Variants in EDIL3 observed in about 807,000 individuals in gnomAD.
EDIL3 encodes EGF-like repeat and discoidin I-like domain-containing protein 3.
Under a neutral mutation model 67.4 loss-of-function variants are expected in EDIL3, and 37 were observed. The observed-to-expected ratio is 0.55, with a 90% confidence interval of 0.42 to 0.72. The LOEUF (loss-of-function observed/expected upper bound fraction) is 0.72, where lower values mean the gene tolerates loss of function less well. Ranked by LOEUF, EDIL3 falls within the 30% of genes least tolerant of loss-of-function variation. The probability of loss-of-function intolerance (pLI) is 0.00; values close to 1 mark genes in which losing one functional copy is unlikely to be tolerated. For missense variants in EDIL3, 527 were observed against 586.3 expected, an observed-to-expected ratio of 0.90 and a Z score of 1.04; for synonymous variants, 195 against 196.3, an observed-to-expected ratio of 0.99 and a Z score of 0.05.
chr5:83,978,734 C>T (rs939620465), intron 9 of EDIL3, among the ~76,000 whole-genome samples: 9 of 151,970 alleles, frequency 5.9e-5, no homozygotes, highest in Non-Finnish European at 1.3e-4. Flanking sequence ...AACAACCCAA[C>T]GGAAGTTGGA....
At chr5:84,105,862 G>T (rs572992241) in intron 6 of EDIL3, among the ~76,000 whole-genome samples, 27 of 152,140 alleles carry the variant, frequency 1.8e-4, no homozygotes, top group Admixed American at 3.9e-4. Context: ...TGCCCCAGGT[G>T]AGTTTCTCAA....
At chr5:84,132,425 T>A (rs1239173907) in intron 5 of EDIL3, among the ~76,000 whole-genome samples, 9 of 113,430 alleles carry the variant, frequency 7.9e-5, no homozygotes, top group African/African-American at 3.0e-4. Context: ...TATTATATAT[T>A]TTATATATAA....
chr5:83,998,952 T>C (rs145310377), intron 9 of EDIL3, among the ~76,000 whole-genome samples: 1,772 of 152,212 alleles, frequency 0.012, 18 homozygotes, highest in Non-Finnish European at 0.017. Context: ...ACTCCATTTG[T>C]TTGGGAGACA....
chr5:84,213,818 G>C (rs1744175602), intron 3 of EDIL3, among the ~76,000 whole-genome samples: 1 of 152,076 alleles, frequency 6.6e-6, no homozygotes, highest in Non-Finnish European at 1.5e-5. Flanking sequence ...AAAAAATTCT[G>C]TCCACGTAAT....
chr5:84,062,013 T>C (rs540735616), intron 8 of EDIL3, among the ~76,000 whole-genome samples: 58 of 152,142 alleles, frequency 3.8e-4, no homozygotes, highest in African/African-American at 1.3e-3. Context: ...CATATTTCCC[T>C]TCACCTCCAC....
At chr5:84,363,378 A>C (rs1033547053) in intron 1 of EDIL3, among the ~76,000 whole-genome samples, 1 of 151,632 alleles carries the variant, frequency 6.6e-6, no homozygotes, top group African/African-American at 2.4e-5. Context: ...TGAACTCGGG[A>C]AGTGGAGGTT....
chr5:83,978,014 C>T (rs1744903876), intron 9 of EDIL3, among the ~76,000 whole-genome samples: 1 of 151,704 alleles, frequency 6.6e-6, no homozygotes, highest in South Asian at 2.1e-4. Flanking sequence ...ATACTGAAGA[C>T]TTTATATAAA....
At chr5:84,189,732 C>T (rs906266542) in intron 3 of EDIL3, among the ~76,000 whole-genome samples, 3 of 151,994 alleles carry the variant, frequency 2.0e-5, no homozygotes, top group African/African-American at 4.8e-5. Flanking sequence ...TATATCAATA[C>T]TCTGTAGTTA....
chr5:84,140,961 A>C (rs980359809), intron 4 of EDIL3, among the ~76,000 whole-genome samples: 4 of 152,130 alleles, frequency 2.6e-5, no homozygotes, highest in Admixed American at 6.6e-5. Flanking sequence ...ATCTAAATGG[A>C]AACTGACCTC....
intron 1 of EDIL3, among the ~76,000 whole-genome samples, chr5:84,315,631 T>C (rs1426353162): frequency 6.6e-6 from 1 of 152,172 alleles, no homozygotes; most frequent in Non-Finnish European, 1.5e-5. Flanking sequence ...GGATCATTTC[T>C]ATGGTTCATT....
chr5:84,371,349 GTGTATATATATGTGTGTATATATGTA>G (rs1561271566), intron 1 of EDIL3, among the ~76,000 whole-genome samples: 1 of 102,080 alleles, frequency 9.8e-6, no homozygotes, highest in Non-Finnish European at 2.4e-5. Context: ...ATATGTGTGT[GTGTATATATATGTGTGTATATATGTA>G]TGTGTGTATA....
At chr5:84,293,316 A>G (rs1253119921) in intron 1 of EDIL3, among the ~76,000 whole-genome samples, 1 of 152,210 alleles carries the variant, frequency 6.6e-6, no homozygotes, top group African/African-American at 2.4e-5. Flanking sequence ...TTATGAATAA[A>G]CACTATTATT....
chr5:84,274,794 G>GACAC (rs35380260), intron 1 of EDIL3, among the ~76,000 whole-genome samples: 1,866 of 150,554 alleles, frequency 0.012, 29 homozygotes, highest in African/African-American at 0.042. Context: ...GACACACACA[G>GACAC]ACACACACAC....
chr5:84,278,823 T>A (rs181401116), intron 1 of EDIL3, among the ~76,000 whole-genome samples: 85 of 152,282 alleles, frequency 5.6e-4, no homozygotes, highest in African/African-American at 2.0e-3. Context: ...CCTGTTCTCT[T>A]TGATATTTCT....
chr5:83,981,694 G>A (rs976751216), intron 9 of EDIL3, among the ~76,000 whole-genome samples: 5 of 151,998 alleles, frequency 3.3e-5, no homozygotes, highest in African/African-American at 7.2e-5. Context: ...CCAGAGTATT[G>A]TAACTTTAGG....
chr5:84,191,833 T>C (rs1408251253), intron 3 of EDIL3, among the ~76,000 whole-genome samples: 1 of 152,060 alleles, frequency 6.6e-6, no homozygotes, highest in Admixed American at 6.6e-5. Context: ...AGGGTGAATA[T>C]GGTACAAAGG....
chr5:84,332,149 G>A (rs932670150), intron 1 of EDIL3, among the ~76,000 whole-genome samples: 2 of 152,068 alleles, frequency 1.3e-5, no homozygotes, highest in Admixed American at 6.6e-5. Flanking sequence ...TGGGAGGATC[G>A]CTTGAGGCTA....
chr5:84,030,277 T>C (rs561903144), intron 9 of EDIL3, among the ~76,000 whole-genome samples: 1 of 152,362 alleles, frequency 6.6e-6, no homozygotes, highest in African/African-American at 2.4e-5. Context: ...ATTACACATA[T>C]CTTTGTGTAT....
At chr5:84,174,541 C>G (rs1482511024) in intron 4 of EDIL3, among the ~76,000 whole-genome samples, 1 of 152,128 alleles carries the variant, frequency 6.6e-6, no homozygotes, top group Non-Finnish European at 1.5e-5. Flanking sequence ...AGGCTGCAGC[C>G]CCCACCTTGT....
Sources: allele counts gnomAD v4.1 joint callset (sites outside exome capture counted in the v4.1 genomes callset), GRCh38; gene constraint gnomAD v4.1.1; transcripts MANE v1.5; gene names NCBI Gene and HGNC (gene_info 2026-07-23, HGNC 2026-07-21).